Variants in TRPM2 observed in about 807,000 individuals in gnomAD.
TRPM2 encodes estrogen-responsive element-associated gene 1 protein.
TRPM2 carries 161 observed loss-of-function variants against 174.0 expected under a neutral mutation model. The ratio of observed to expected loss-of-function variants is 0.93; its 90% confidence interval spans 0.81 to 1.05. The LOEUF (loss-of-function observed/expected upper bound fraction) is 1.05, where lower values mean the gene tolerates loss of function less well. TRPM2 is among the 50% of genes least tolerant of loss of function. The pLI is 0.00. For missense variants in TRPM2, 2,057 were observed against 2,038.0 expected (o/e 1.01, Z -0.18); for synonymous variants, 954 against 861.3 (o/e 1.11, Z -1.88).
At chr21:44,369,048 CCT>C (rs1416973510) in intron 4 of TRPM2, 127 bp from the exon 5 acceptor site, 4 of 1,047,984 alleles carry the variant, frequency 3.8e-6, no homozygotes, top group Non-Finnish European at 5.3e-6. Flanking sequence ...TTTGAAAGCC[CCT>C]GAGTGAGGAG....
At chr21:44,435,310 G>A (rs962724280) in intron 28 of TRPM2, 93 bp downstream of exon 28, 24 of 1,397,862 alleles carry the variant, frequency 1.7e-5, no homozygotes, top group Non-Finnish European at 2.3e-5. Flanking sequence ...CTCAGGGGCC[G>A]GGAGGGCGGC....
chr21:44,408,536 C>T (rs761007183), intron 19 of TRPM2, among the ~76,000 whole-genome samples: 3 of 151,782 alleles, frequency 2.0e-5, no homozygotes, highest in Non-Finnish European at 4.4e-5. Context: ...AGAAGTGGCT[C>T]TCCTTGTCGC....
In TRPM2 at chr21:44,376,468, G is replaced by A. The variant is rs933519965; in HGVS notation, c.952+455G>A. 6.6e-6 allele frequency among the ~76,000 whole-genome samples: 1 copy of A among 151,984 alleles called. No homozygotes were observed. Among genetic ancestry groups the A allele is most frequent in the African/African-American group, 2.4e-5 (1 of 41,370 alleles). On this transcript the variant is annotated intron_variant, in intron 6 of 31. Coordinates refer to ENST00000397928, the MANE Select transcript of TRPM2 (RefSeq NM_003307.4). The surrounding 1 kb of genome is among the most constrained non-coding windows in gnomAD (Gnocchi z 4.2). The stretch of plus-strand genomic sequence containing the variant: ...TGTGATCTCAGCTCACTGTAGCCTC[G>A]AACTTCTGGGCTCAAGGGATCCTCC...
intron 8 of TRPM2, among the ~76,000 whole-genome samples, chr21:44,379,649 C>T (rs1371263145): frequency 6.6e-6 from 1 of 152,202 alleles, no homozygotes; most frequent in African/African-American, 2.4e-5. Flanking sequence ...GGCCATTGCC[C>T]CAGTCCAGGG....
In TRPM2 at chr21:44,441,747, G is replaced by T. The variant is rs779734671; in HGVS notation, c.4442G>T (p.Arg1481Leu). Residue 1481 changes from arginine (R) to leucine (L), a missense_variant, in exon 32 of 32, where the codon CGC (arginine) becomes CTC (leucine). By Grantham distance (102) the Arg-to-Leu change is moderately radical. Coordinates refer to ENST00000397928, the MANE Select transcript of TRPM2 (RefSeq NM_003307.4). ...ATCCGATGGCAGGTGGTGGACAGGC[G>T]CATCCCACTCTATGCGAACCACAAG... ...ASIRWQVVDRRIPLYANHKTL... is the reference protein window; with the variant it reads ...ASIRWQVVDRLIPLYANHKTL... 3 of 1,611,988 alleles carry T rather than the reference G, an allele frequency of 1.9e-6. No individual in the cohort carries two copies. The highest frequency in any genetic ancestry group is 2.5e-6 in the Non-Finnish European group (3 of 1,179,140).
chr21:44,363,903 T>G (rs547801576), intron 2 of TRPM2, among the ~76,000 whole-genome samples: 1 of 152,306 alleles, frequency 6.6e-6, no homozygotes, highest in East Asian at 1.9e-4. Context: ...CACTGACACT[T>G]CCTGGGGAGG....
At position 44,366,408 on chromosome 21, in the gene TRPM2, AC is replaced by A. The variant is rs45596239; in HGVS notation, c.424-345del. ...CCGGGGGAGGCAGGGCCCAGGCGCT[AC>A]GGCGGGAATTGGAGTCTGTGCTGGC... is the stretch of plus-strand genomic sequence containing the variant. On this transcript the variant is annotated intron_variant, in intron 3 of 31. Coordinates refer to ENST00000397928, the MANE Select transcript of TRPM2 (RefSeq NM_003307.4). This position sits in a 1 kb window ranked among gnomAD's most constrained non-coding sequence, Gnocchi z 6.0. 0.072 allele frequency among the ~76,000 whole-genome samples: 10,901 copies of A among 151,864 alleles called. 1,346 individuals are homozygous for A. Among genetic ancestry groups the A allele is most frequent in the African/African-American group, 0.25 (10,212 of 41,262 alleles).
chr21:44,405,053 T>C (rs2049818739), intron 16 of TRPM2, 89 bp from the exon 17 acceptor site: 2 of 1,567,040 alleles, frequency 1.3e-6, no homozygotes. Flanking sequence ...GTGACTGTGA[T>C]GATGATAGTG....
Position 44,366,989 on chromosome 21 carries a change from G to A in TRPM2, c.604+55G>A. ...CCCGGCGGGTGGGGTGGGCTGTGGAGGCAGTGCTGGGGCAATCAGGGCCAT... is the reference window on the plus strand; with the variant it reads ...CCCGGCGGGTGGGGTGGGCTGTGGAAGCAGTGCTGGGGCAATCAGGGCCAT... On this transcript the variant is annotated intron_variant, in intron 4 of 31. Coordinates refer to ENST00000397928, the MANE Select transcript of TRPM2 (RefSeq NM_003307.4). This position sits in a 1 kb window ranked among gnomAD's most constrained non-coding sequence, Gnocchi z 6.0. 2.6e-6 allele frequency: 4 copies of A among 1,520,290 alleles called. No individual in the cohort carries two copies. The highest frequency in any genetic ancestry group is 3.5e-6 in the Non-Finnish European group (4 of 1,132,772). 94.2% of individuals were successfully genotyped at this position (1,520,290 alleles called of 1,614,324 possible).
At chr21:44,389,774 T>C (rs1386017953) in intron 9 of TRPM2, among the ~76,000 whole-genome samples, 1 of 152,228 alleles carries the variant, frequency 6.6e-6, no homozygotes, top group Admixed American at 6.5e-5. Context: ...GTTATTTATA[T>C]ATTCGGATAC....
chr21:44,420,954 G>A (rs989363266), intron 22 of TRPM2, among the ~76,000 whole-genome samples: 3 of 152,172 alleles, frequency 2.0e-5, no homozygotes. Context: ...ACTGGCCAGC[G>A]GTGTGGCCTG....
In TRPM2 at chr21:44,425,396, C is replaced by G. The variant is rs1030073030; in HGVS notation, c.3638-274C>G. ...CAAGGAGCATATTTGCCCTCGTAACCGCACTGCGAGTTCAGCTCATTGCCG... is the reference window on the plus strand; with the variant it reads ...CAAGGAGCATATTTGCCCTCGTAACGGCACTGCGAGTTCAGCTCATTGCCG... On this transcript the variant is annotated intron_variant, in intron 24 of 31. Transcript: ENST00000397928. 11 of 436,480 alleles carry G rather than the reference C, an allele frequency of 2.5e-5. No individual in the cohort carries two copies. In the Admixed American group the frequency reaches 3.1e-4, roughly 12 times the overall value. 27.0% of individuals were successfully genotyped at this position (436,480 alleles called of 1,614,324 possible).
intron 16 of TRPM2, among the ~76,000 whole-genome samples, chr21:44,404,316 A>G (rs1195838670): frequency 2.0e-5 from 3 of 152,216 alleles, no homozygotes; most frequent in Admixed American, 1.3e-4. Context: ...ACATGCACAT[A>G]CACATATACA....
intron 2 of TRPM2, among the ~76,000 whole-genome samples, chr21:44,358,227 C>T (rs191093158): frequency 2.0e-5 from 3 of 152,312 alleles, no homozygotes; most frequent in African/African-American, 4.8e-5. Context: ...CTGGTCCAGA[C>T]CTTTGTGCTC....
At chr21:44,374,015 CTTTT>C in intron 5 of TRPM2, among the ~76,000 whole-genome samples, 1 of 145,326 alleles carries the variant, frequency 6.9e-6, no homozygotes. Context: ...CTCTCTCTCT[CTTTT>C]TTTTTTTTTG....
At chr21:44,363,319 C>T (rs746954621) in intron 2 of TRPM2, among the ~76,000 whole-genome samples, 4 of 152,140 alleles carry the variant, frequency 2.6e-5, no homozygotes, top group Non-Finnish European at 4.4e-5. Flanking sequence ...TATAGTGCTG[C>T]AGGTCCCAGA....
intron 8 of TRPM2, among the ~76,000 whole-genome samples, chr21:44,379,990 A>G (rs191726200): frequency 4.6e-5 from 7 of 152,226 alleles, no homozygotes; most frequent in Non-Finnish European, 8.8e-5. Context: ...ACTGTGTTGA[A>G]TTTGGGTTCT....
At chr21:44,419,830 ATGG>A (rs1230738001) in intron 22 of TRPM2, among the ~76,000 whole-genome samples, 3 of 121,694 alleles carry the variant, frequency 2.5e-5, no homozygotes, top group Non-Finnish European at 5.3e-5. Flanking sequence ...GGTGGTGGTG[ATGG>A]TGGTGATGGT....
intron 11 of TRPM2, among the ~76,000 whole-genome samples, chr21:44,393,237 T>A (rs977458485): frequency 2.6e-5 from 4 of 152,312 alleles, no homozygotes; most frequent in South Asian, 2.1e-4. Flanking sequence ...TTGTATTTCC[T>A]CTTGGGAGTA....
Sources: gnomAD v4.1 joint callset for allele counts (sites outside exome capture counted in the v4.1 genomes callset) on GRCh38, gnomAD v4.1.1 for gene constraint, Gnocchi (gnomAD v3.1) non-coding constraint, MANE v1.5 for transcripts, NCBI Gene and HGNC (gene_info 2026-07-23, HGNC 2026-07-21) for gene names.